The following SYT1 variants were observed in gnomAD, a reference collection of about 807,000 sequenced individuals.
SYT1 encodes the protein synaptotagmin 1, also known as synaptotagmin-1.
In SYT1, 8 loss-of-function variants were observed where a neutral mutation model predicts 44.8. The observed-to-expected ratio is 0.18, with a 90% CI of 0.10 to 0.32. The LOEUF is 0.32. Ranked by LOEUF, SYT1 falls within the 10% of genes least tolerant of loss-of-function variation. The pLI is 1.00. For missense variants in SYT1, 286 were observed against 509.3 expected (o/e 0.56, Z 4.22); for synonymous variants, 154 against 188.8 (o/e 0.82, Z 1.51).
At chr12:79,418,938 G>A in intron 9 of SYT1, among the ~76,000 whole-genome samples, 1 of 152,116 alleles carries the variant, frequency 6.6e-6, no homozygotes, top group Non-Finnish European at 1.5e-5. Flanking sequence ...CAGAATTTCT[G>A]GGGGAATGGC....
chr12:79,310,742 G>C (rs1880739089), intron 8 of SYT1, among the ~76,000 whole-genome samples: 1 of 152,186 alleles, frequency 6.6e-6, no homozygotes, highest in Non-Finnish European at 1.5e-5. Flanking sequence ...TCCCTCGTAA[G>C]TTGGATTCCT....
At chr12:78,880,665 T>G (rs942611241) in intron 1 of SYT1, among the ~76,000 whole-genome samples, 5 of 151,626 alleles carry the variant, frequency 3.3e-5, no homozygotes, top group Non-Finnish European at 7.4e-5. Context: ...AAAAAAATAT[T>G]AATTTACCAG....
At chr12:78,964,660 T>C (rs1186685820) in intron 1 of SYT1, among the ~76,000 whole-genome samples, 1 of 152,168 alleles carries the variant, frequency 6.6e-6, no homozygotes, top group Non-Finnish European at 1.5e-5. Flanking sequence ...GATACTAAAG[T>C]TTAAAAATCT....
intron 9 of SYT1, among the ~76,000 whole-genome samples, chr12:79,422,664 T>C (rs1593053880): frequency 6.6e-6 from 1 of 151,878 alleles, no homozygotes. Flanking sequence ...TCTGCACTTT[T>C]GGTTGCTCGT....
At chr12:78,919,413 G>A (rs1876855221) in intron 1 of SYT1, among the ~76,000 whole-genome samples, 1 of 152,094 alleles carries the variant, frequency 6.6e-6, no homozygotes, top group Non-Finnish European at 1.5e-5. Flanking sequence ...CAGACCAAGA[G>A]AATAGTCTGG....
At chr12:78,989,799 A>G (rs2137478427) in intron 2 of SYT1, among the ~76,000 whole-genome samples, 1 of 152,188 alleles carries the variant, frequency 6.6e-6, no homozygotes, top group African/African-American at 2.4e-5. Context: ...AAAAACTAGG[A>G]CATGTTGGGA....
intron 2 of SYT1, among the ~76,000 whole-genome samples, chr12:79,040,154 G>C (rs1289926718): frequency 6.6e-6 from 1 of 151,882 alleles, no homozygotes; most frequent in Non-Finnish European, 1.5e-5. Context: ...GGGATGGCTG[G>C]GTCAAATGGT....
At chr12:78,956,187 G>GT (rs1405795252) in intron 1 of SYT1, among the ~76,000 whole-genome samples, 1 of 152,006 alleles carries the variant, frequency 6.6e-6, no homozygotes, top group Non-Finnish European at 1.5e-5. Context: ...AGAATGACTG[G>GT]TATGGGGGGG....
chr12:79,000,982 T>C (rs542120234), intron 2 of SYT1, among the ~76,000 whole-genome samples: 6 of 152,242 alleles, frequency 3.9e-5, no homozygotes, highest in African/African-American at 1.4e-4. Flanking sequence ...TTCAAATACA[T>C]TGGATAATTG....
chr12:78,918,047 T>C (rs1284102424), intron 1 of SYT1, among the ~76,000 whole-genome samples: 1 of 152,086 alleles, frequency 6.6e-6, no homozygotes, highest in African/African-American at 2.4e-5. Context: ...CTCTGTAACT[T>C]CTTGAATATA....
chr12:79,204,308 C>CTGAACT (rs1030894139), intron 3 of SYT1, among the ~76,000 whole-genome samples: 1 of 152,214 alleles, frequency 6.6e-6, no homozygotes, highest in Non-Finnish European at 1.5e-5. Flanking sequence ...TTACCTCAGT[C>CTGAACT]TGAACTGTGT....
intron 1 of SYT1, among the ~76,000 whole-genome samples, chr12:78,971,467 T>G (rs1444221720): frequency 6.6e-6 from 1 of 152,124 alleles, no homozygotes; most frequent in Non-Finnish European, 1.5e-5. Context: ...AGTAGATGCA[T>G]TGTTCCATGG....
At chr12:78,973,502 T>C (rs1868525689) in intron 1 of SYT1, among the ~76,000 whole-genome samples, 1 of 152,094 alleles carries the variant, frequency 6.6e-6, no homozygotes, top group African/African-American at 2.4e-5. Flanking sequence ...CATTACTGGG[T>C]ATATATCCAA....
At chr12:79,110,541 T>C (rs541245072) in intron 3 of SYT1, among the ~76,000 whole-genome samples, 32 of 152,296 alleles carry the variant, frequency 2.1e-4, no homozygotes, top group African/African-American at 7.7e-4. Flanking sequence ...AAATAGCATG[T>C]TTTCACTTTC....
chr12:78,971,176 C>T (rs1048313127), intron 1 of SYT1, among the ~76,000 whole-genome samples: 1 of 152,036 alleles, frequency 6.6e-6, no homozygotes, highest in African/African-American at 2.4e-5. Context: ...TTCAATAGAT[C>T]ATGTGAGTTA....
At chr12:79,215,517 T>G (rs1874730885) in intron 3 of SYT1, among the ~76,000 whole-genome samples, 1 of 152,030 alleles carries the variant, frequency 6.6e-6, no homozygotes, top group Non-Finnish European at 1.5e-5. Flanking sequence ...TAGCTAGTAA[T>G]GGAAAATTAA....
chr12:79,281,132 C>G (rs1374522912), intron 4 of SYT1, among the ~76,000 whole-genome samples: 1 of 152,024 alleles, frequency 6.6e-6, no homozygotes, highest in Non-Finnish European at 1.5e-5. Flanking sequence ...CCATTTGATC[C>G]AGCAATCCCA....
At chr12:79,423,364 C>A (rs1357332481) in intron 9 of SYT1, among the ~76,000 whole-genome samples, 3 of 152,056 alleles carry the variant, frequency 2.0e-5, no homozygotes, top group Non-Finnish European at 4.4e-5. Flanking sequence ...GAGAGAGACT[C>A]TATAATCTGC....
At chr12:79,151,640 T>A (rs1193564787) in intron 3 of SYT1, among the ~76,000 whole-genome samples, 1 of 152,066 alleles carries the variant, frequency 6.6e-6, no homozygotes, top group Non-Finnish European at 1.5e-5. Context: ...GCAGTCGAGT[T>A]GATGAGCTGG....
Sources: gnomAD v4.1 joint callset for allele counts (sites outside exome capture counted in the v4.1 genomes callset) on GRCh38, gnomAD v4.1.1 for gene constraint, MANE v1.5 for transcripts, NCBI Gene and HGNC (gene_info 2026-07-23, HGNC 2026-07-21) for gene names.